SALL3: variants seen among roughly 807,000 people sequenced by gnomAD.
SALL3 encodes the protein spalt like transcription factor 3, also known as sal-like protein 3.
Under a neutral mutation model 66.2 loss-of-function variants are expected in SALL3, and 25 were observed. That is an observed-to-expected ratio of 0.38 (90% CI 0.28 to 0.53). The LOEUF (loss-of-function observed/expected upper bound fraction) is 0.53. Ranked by LOEUF, SALL3 falls within the 20% of genes least tolerant of loss-of-function variation. The probability of loss-of-function intolerance (pLI) is 0.85; values close to 1 mark genes in which losing one functional copy is unlikely to be tolerated. For synonymous variants in SALL3, 1,152 were observed against 899.1 expected, an observed-to-expected ratio of 1.28 and a Z score of -5.03; for missense variants, 2,194 against 1,916.5, an observed-to-expected ratio of 1.14 and a Z score of -2.70.
rs766415840 is a variant in SALL3, at chr18:78,992,099, C to T, written c.108C>T (p.Asp36=). The T allele has an allele frequency of 3.8e-6, 6 of 1,568,568 alleles. No individual in the cohort carries two copies. Among genetic ancestry groups the T allele is most frequent in the East Asian group, 2.3e-5 (1 of 42,566 alleles). ...EHAAPGEGAE[D]ADSGPESRSG... ...CCGCCCCGGGGGAAGGTGCGGAGGA[C>T]GCAGACAGCGGGCCCGAGAGCCGCA... Residue 36 remains aspartate (D), a synonymous_variant, in exon 2 of 3, where the codon GAC becomes GAT. Coordinates refer to ENST00000537592, the MANE Select transcript of SALL3 (RefSeq NM_171999.4).
chr18:78,992,040 G>A (rs1217393975), intron 1 of SALL3, 34 bp from the exon 2 acceptor site: 6 of 1,387,118 alleles, frequency 4.3e-6, no homozygotes, highest in East Asian at 2.9e-5. Flanking sequence ...GGCGGGCGCC[G>A]AGCCCCGGCT....
chr18:78,995,856 C>G (rs113677310), intron 2 of SALL3, among the ~76,000 whole-genome samples: 2 of 152,082 alleles, frequency 1.3e-5, no homozygotes, highest in African/African-American at 4.8e-5. Context: ...CCTGTTAATC[C>G]GCTGTGGGGG....
Position 78,997,174 on chromosome 18 carries a change from C to A in SALL3, c.3755C>A (p.Pro1252His), listed in dbSNP as rs180936492. The change falls in exon 3 of 3, where the codon CCT becomes CAT. Residue 1252 changes from proline to histidine, a missense_variant. By Grantham distance (77) the Pro-to-His change is moderately conservative. Coordinates refer to ENST00000537592, the MANE Select transcript of SALL3 (RefSeq NM_171999.4). ...AGTCTTGGGGGCAGCGCCCTCCCCC[C>A]TCTGGGCAGCATGGCCAGTGGGATG... ...PVSLGGSALP[P>H]LGSMASGMDK... 3.2e-5 allele frequency: 51 copies of A among 1,614,052 alleles called. No individual in the cohort carries two copies. In the East Asian group the frequency reaches 8.2e-4, roughly 26 times the overall value.
In SALL3 at chr18:78,995,241, G is replaced by A. The variant is rs772346072; in HGVS notation, c.3250G>A (p.Val1084Ile). The change falls in exon 2 of 3, where the codon GTC becomes ATC. Residue 1084 changes from valine (V) to isoleucine (I), a missense_variant. Coordinates refer to ENST00000537592, the MANE Select transcript of SALL3 (RefSeq NM_171999.4). ...CGAGGGTCCCCCGCTGCCCGCGGGCGTCCAGGTCCCCGCCGGGCCTCAGAC... is the reference window on the plus strand; with the variant it reads ...CGAGGGTCCCCCGCTGCCCGCGGGCATCCAGGTCCCCGCCGGGCCTCAGAC... ...LGEGPPLPAG[V>I]QVPAGPQTVM... 3.1e-6 allele frequency: 5 copies of A among 1,602,190 alleles called. No homozygotes were observed. The highest frequency in any genetic ancestry group is 1.3e-5 in the African/African-American group (1 of 74,874).
chr18:78,986,561 A>C (rs947481384), intron 1 of SALL3, among the ~76,000 whole-genome samples: 7 of 152,232 alleles, frequency 4.6e-5, no homozygotes, highest in African/African-American at 1.7e-4. Context: ...AGGAGTTAAA[A>C]AGAATTAATT....
At chr18:78,995,825 GCA>G (rs1018019147) in intron 2 of SALL3, among the ~76,000 whole-genome samples, 1 of 152,022 alleles carries the variant, frequency 6.6e-6, no homozygotes, top group Non-Finnish European at 1.5e-5. Context: ...GTGTCCCTGT[GCA>G]CACACACTGA....
At position 78,993,178 on chromosome 18, in the gene SALL3, A is replaced by G; in HGVS notation, c.1187A>G (p.His396Arg). Residue 396 changes from histidine (H) to arginine (R), a missense_variant, in exon 2 of 3, where the codon CAC becomes CGC. Transcript: ENST00000537592. Reference protein sequence around the residue: ...ALDPLSALMKHRKGKPPNVSV... With the variant: ...ALDPLSALMKRRKGKPPNVSV... The stretch of plus-strand genomic sequence containing the variant: ...GACCCGCTGTCCGCGCTCATGAAGC[A>G]CCGCAAGGGCAAGCCGCCCAATGTG... 6.2e-7 allele frequency: 1 copy of G among 1,609,864 alleles called. No individual in the cohort carries two copies. Among genetic ancestry groups the G allele is most frequent in the Non-Finnish European group, 8.5e-7 (1 of 1,178,964 alleles).
At position 78,992,545 on chromosome 18, in the gene SALL3, C is replaced by T. The variant is rs191414199; in HGVS notation, c.554C>T (p.Ala185Val). 0.045 allele frequency: 67,996 copies of T among 1,495,518 alleles called. 1,791 individuals carry two copies. The highest frequency in any genetic ancestry group is 0.05 in the Non-Finnish European group (56,665 of 1,129,606). 92.6% of individuals were successfully genotyped at this position (1,495,518 alleles called of 1,614,324 possible). ...GCGGTGGCGCAGTTCTCGCAGGGCG[C>T]GCGCGCGGCAGGCGGCTCGGGAGCA... Reference protein sequence around the residue: ...KVAVAQFSQGARAAGGSGAGG... With the variant: ...KVAVAQFSQGVRAAGGSGAGG... The change falls in exon 2 of 3, where the codon GCG becomes GTG. Residue 185 changes from alanine (A) to valine (V), a missense_variant. By Grantham distance (64) the Ala-to-Val change is moderately conservative. Coordinates refer to ENST00000537592, the MANE Select transcript of SALL3 (RefSeq NM_171999.4).
chr18:78,992,294 C>T lies in SALL3; in HGVS notation c.303C>T (p.Ser101=). Residue 101 remains serine (S), a synonymous_variant, in exon 2 of 3, where the codon AGC becomes AGT. Coordinates refer to ENST00000537592, the MANE Select transcript of SALL3 (RefSeq NM_171999.4). ...ACTTCCCCGAGCCTTCGCCCGCCAG[C>T]TCCCCCAGCGAGCGCGCCGAAAGCG... The part of the protein sequence containing the change: ...PEDFPEPSPA[S]SPSERAESEA... The T allele has an allele frequency of 1.3e-6, 2 of 1,536,238 alleles. No individual in the cohort carries two copies. Among genetic ancestry groups the T allele is most frequent in the East Asian group, 2.5e-5 (1 of 39,668 alleles).
Position 78,997,406 on chromosome 18 carries a change from C to T in SALL3, c.*84C>T. 7.3e-7 allele frequency: 1 copy of T among 1,372,670 alleles called. No individual in the cohort carries two copies. 85.0% of individuals were successfully genotyped at this position (1,372,670 alleles called of 1,614,324 possible). A position where few individuals can be genotyped will look rare whatever the true frequency, so the allele number is the denominator to read the frequency against. ...CTCCGACCTTTCTTGCCTCGGTTCT[C>T]ATTACACTTTCACCCATAGCAGAAA... On this transcript the variant is annotated 3_prime_UTR_variant, in exon 3 of 3. Coordinates refer to ENST00000537592, the MANE Select transcript of SALL3 (RefSeq NM_171999.4).
At chr18:78,996,084 G>A (rs1470252177) in intron 2 of SALL3, among the ~76,000 whole-genome samples, 2 of 152,230 alleles carry the variant, frequency 1.3e-5, no homozygotes, top group Admixed American at 6.5e-5. Context: ...AGCAGGCCCT[G>A]TCGTTCTGTC....
intron 1 of SALL3, chr18:78,985,071 G>T: frequency 6.6e-6 from 1 of 152,274 alleles, no homozygotes. Flanking sequence ...CTCCCTGAAG[G>T]TGGGTAGTTA....
Position 78,997,721 on chromosome 18 carries a change from T to C in SALL3, c.*399T>C, listed in dbSNP as rs1157644181. The C allele has an allele frequency of 9.6e-6, 2 of 208,122 alleles. No homozygotes were observed. Among genetic ancestry groups the C allele is most frequent in the Non-Finnish European group, 1.9e-5 (2 of 103,260 alleles). The allele number at this position is 208,122 out of a possible 1,614,324, so 12.9% of individuals were successfully genotyped here. ...AGTTAGACACTTGAACGGTGTTTTT[T>C]AGAACTCTTCATGTTAAAGACGTGG... On this transcript the variant is annotated 3_prime_UTR_variant, in exon 3 of 3. Transcript: ENST00000537592.
Position 78,992,777 on chromosome 18 carries a change from CGCGCTCCCGCTGTCG to C in SALL3, c.789_803del (p.Leu264_Ala268del). ...CCCCCAGCCAGCTGCCCGGGCTGGC[CGCGCTCCCGCTGTCG>C]GCCGGGGCCCCTGCCGCCGCCATCG... On this transcript the variant is annotated inframe_deletion, in exon 2 of 3. Transcript: ENST00000537592. The C allele has an allele frequency of 1.7e-5, 17 of 1,015,766 alleles. No individual in the cohort carries two copies. Among genetic ancestry groups the C allele is most frequent in the Non-Finnish European group, 2.0e-5 (17 of 850,612 alleles). 62.9% of individuals were successfully genotyped at this position (1,015,766 alleles called of 1,614,324 possible).
chr18:78,997,079 T>C lies in SALL3; in HGVS notation c.3660T>C (p.Thr1220=), dbSNP rs757075705. ...SFWNQYAAAI[T]NGLAMKNNEI... Reference sequence around the variant, plus strand: ...GGAACCAGTATGCTGCAGCCATCACTAACGGGCTCGCCATGAAGAACAACG... The same window carrying C: ...GGAACCAGTATGCTGCAGCCATCACCAACGGGCTCGCCATGAAGAACAACG... The change falls in exon 3 of 3, where the codon ACT becomes ACC. Residue 1220 remains threonine (T), a synonymous_variant. Coordinates refer to ENST00000537592, the MANE Select transcript of SALL3 (RefSeq NM_171999.4). The C allele has an allele frequency of 3.7e-6, 6 of 1,614,130 alleles. No individual in the cohort carries two copies. The highest frequency in any genetic ancestry group is 3.3e-5 in the South Asian group (3 of 91,088).
At chr18:78,983,296 C>G (rs1372476800) in intron 1 of SALL3, among the ~76,000 whole-genome samples, 2 of 152,080 alleles carry the variant, frequency 1.3e-5, no homozygotes, top group Non-Finnish European at 1.5e-5. Flanking sequence ...TATTTTTGTT[C>G]TAAGAAAAAT....
At position 78,994,782 on chromosome 18, in the gene SALL3, A is replaced by G. The variant is rs765864016; in HGVS notation, c.2791A>G (p.Ile931Val). The change falls in exon 2 of 3, where the codon ATC becomes GTC. Residue 931 changes from isoleucine to valine, a missense_variant. Ile to Val is a conservative substitution (Grantham distance 29). Coordinates refer to ENST00000537592, the MANE Select transcript of SALL3 (RefSeq NM_171999.4). ...GGGCGCCCCGGAGGAGCCCCAGGAA[A>G]TCCCGCTCAAGACCGAGAGGCCGGA... ...GLGAPEEPQEIPLKTERPDSP... is the reference protein window; with the variant it reads ...GLGAPEEPQEVPLKTERPDSP... The G allele has an allele frequency of 8.1e-6, 13 of 1,598,898 alleles. No homozygotes were observed. In the East Asian group the frequency reaches 1.8e-4, roughly 22 times the overall value.
rs772247305 is a variant in SALL3, at chr18:78,997,420, C to T, written c.*98C>T. 3.2e-6 allele frequency: 4 copies of T among 1,265,240 alleles called. No individual in the cohort carries two copies. The highest frequency in any genetic ancestry group is 4.5e-6 in the Non-Finnish European group (4 of 895,098). The allele number at this position is 1,265,240 out of a possible 1,614,324, so 78.4% of individuals were successfully genotyped here. A position where few individuals can be genotyped will look rare whatever the true frequency, so the allele number is the denominator to read the frequency against. On this transcript the variant is annotated 3_prime_UTR_variant, in exon 3 of 3. Transcript: ENST00000537592. ...GCCTCGGTTCTCATTACACTTTCACCCATAGCAGAAAACACTTTGTGCGGC... is the reference window on the plus strand; with the variant it reads ...GCCTCGGTTCTCATTACACTTTCACTCATAGCAGAAAACACTTTGTGCGGC...
intron 1 of SALL3, among the ~76,000 whole-genome samples, chr18:78,990,464 G>A (rs1280466707): frequency 6.6e-6 from 1 of 152,122 alleles, no homozygotes; most frequent in African/African-American, 2.4e-5. Context: ...TCACAAACTA[G>A]CCTCAAAAAA....
Sources: gnomAD v4.1 joint callset for allele counts (sites outside exome capture counted in the v4.1 genomes callset) on GRCh38, gnomAD v4.1.1 for gene constraint, MANE v1.5 for transcripts, NCBI Gene and HGNC (gene_info 2026-07-23, HGNC 2026-07-21) for gene names.